The following CAMTA1 variants were observed in gnomAD, a reference collection of about 807,000 sequenced individuals.
The protein encoded by CAMTA1 is calmodulin-binding transcription activator 1.
Under a neutral mutation model 170.9 loss-of-function variants are expected in CAMTA1, and 27 were observed. The ratio of observed to expected loss-of-function variants is 0.16; its 90% CI spans 0.12 to 0.22. The LOEUF is 0.22. Ranked by LOEUF, CAMTA1 falls within the 10% of genes least tolerant of loss-of-function variation. CAMTA1 has a pLI of 1.00. For synonymous variants in CAMTA1, 833 were observed against 891.5 expected, an observed-to-expected ratio of 0.93 and a Z score of 1.17; for missense variants, 1,619 against 2,217.2, an observed-to-expected ratio of 0.73 and a Z score of 5.42.
At chr1:7,576,991 A>G (rs1001632732) in intron 6 of CAMTA1, among the ~76,000 whole-genome samples, 1 of 152,218 alleles carries the variant, frequency 6.6e-6, no homozygotes, top group Non-Finnish European at 1.5e-5. Context: ...TACTCAATAG[A>G]TGCCAGCTAA....
At chr1:7,344,175 G>A (rs2084049016) in intron 5 of CAMTA1, among the ~76,000 whole-genome samples, 1 of 152,228 alleles carries the variant, frequency 6.6e-6, no homozygotes, top group Non-Finnish European at 1.5e-5. Context: ...ATTGAGGGCT[G>A]GACCCTTGGA....
chr1:7,371,464 T>G (rs1004117236), intron 5 of CAMTA1, among the ~76,000 whole-genome samples: 2 of 151,780 alleles, frequency 1.3e-5, no homozygotes, highest in Admixed American at 1.3e-4. Context: ...TTCATCATGT[T>G]GGCCAGGCTG....
intron 6 of CAMTA1, among the ~76,000 whole-genome samples, chr1:7,485,079 C>A (rs149450422): frequency 1.8e-4 from 27 of 152,286 alleles, no homozygotes; most frequent in African/African-American, 6.5e-4. Context: ...GATCCAGCCC[C>A]TTCTGTTGCC....
rs1432544726 is a variant in CAMTA1 at position 7,456,395 on chromosome 1, G to A, written c.439-11435G>A. Among the ~76,000 whole-genome samples the A allele has an allele frequency of 1.3e-5, 2 of 152,328 alleles. No homozygotes were observed. Among genetic ancestry groups the A allele is most frequent in the African/African-American group, 2.4e-5 (1 of 41,576 alleles). On this transcript the variant is annotated intron_variant, in intron 5 of 22. Coordinates refer to ENST00000303635, the MANE Select transcript of CAMTA1 (RefSeq NM_015215.4). The surrounding 1 kb of genome is among the most constrained non-coding windows in gnomAD (Gnocchi z 4.9). ...GCAGGGCTCCAAGAAATAGGTCTCA[G>A]CGGTACATTTTGATGAAAGAGAGGG...
chr1:6,852,540 G>C (rs1660796877), intron 3 of CAMTA1, among the ~76,000 whole-genome samples: 1 of 152,198 alleles, frequency 6.6e-6, no homozygotes, highest in Non-Finnish European at 1.5e-5. Context: ...TGATTTGCTA[G>C]AATGGCTCAC....
Position 7,769,293 on chromosome 1 carries a change from C to G in CAMTA1, c.*2802C>G, listed in dbSNP as rs1298610073. On this transcript the variant is annotated 3_prime_UTR_variant, in exon 23 of 23. Transcript: ENST00000303635. The stretch of plus-strand genomic sequence containing the variant: ...TTGGATAATCTGAATTCCCAAGTGC[C>G]AGGAGTAGGATTTCATTATAAAATT... 6.5e-6 allele frequency: 1 copy of G among 152,730 alleles called. No individual in the cohort carries two copies. The highest frequency in any genetic ancestry group is 6.5e-5 in the Admixed American group (1 of 15,272). 9.5% of individuals were successfully genotyped at this position (152,730 alleles called of 1,614,324 possible). A position where few individuals can be genotyped will look rare whatever the true frequency, so the allele number is the denominator to read the frequency against.
At chr1:7,037,916 T>C (rs1468099359) in intron 3 of CAMTA1, among the ~76,000 whole-genome samples, 3 of 115,960 alleles carry the variant, frequency 2.6e-5, no homozygotes, top group Admixed American at 1.7e-4. Flanking sequence ...GTTTGATCTT[T>C]ATTTTTTTTT....
At chr1:7,684,299 A>G (rs542110137) in intron 11 of CAMTA1, among the ~76,000 whole-genome samples, 1 of 152,194 alleles carries the variant, frequency 6.6e-6, no homozygotes, top group Non-Finnish European at 1.5e-5. Flanking sequence ...TGCGGGCCAG[A>G]TGGCTCCTTC....
chr1:6,889,864 C>T (rs1674138102), intron 3 of CAMTA1, among the ~76,000 whole-genome samples: 1 of 152,116 alleles, frequency 6.6e-6, no homozygotes, highest in African/African-American at 2.4e-5. Flanking sequence ...GATCAGCTTA[C>T]TGTTTTTAGT....
chr1:7,667,514 G>A (rs917937625), intron 9 of CAMTA1, among the ~76,000 whole-genome samples: 1 of 152,114 alleles, frequency 6.6e-6, no homozygotes, highest in Non-Finnish European at 1.5e-5. Context: ...ACTTAGAGGC[G>A]CCCTGGAGCC....
intron 1 of CAMTA1, among the ~76,000 whole-genome samples, chr1:6,813,574 T>C (rs1387248316): frequency 1.3e-5 from 2 of 152,024 alleles, no homozygotes; most frequent in African/African-American, 4.8e-5. Context: ...TCTTTAAAAA[T>C]ATCTGCAACA....
intron 3 of CAMTA1, among the ~76,000 whole-genome samples, chr1:7,071,696 T>G (rs1203777869): frequency 6.6e-6 from 1 of 152,208 alleles, no homozygotes; most frequent in Non-Finnish European, 1.5e-5. Context: ...TCTCACTATC[T>G]TATCTACTCT....
chr1:7,223,883 A>G (rs1390694536), intron 4 of CAMTA1, among the ~76,000 whole-genome samples: 2 of 152,164 alleles, frequency 1.3e-5, no homozygotes, highest in African/African-American at 4.8e-5. Flanking sequence ...ATTTACATGT[A>G]TTTATTAGTT....
intron 6 of CAMTA1, among the ~76,000 whole-genome samples, chr1:7,577,306 C>G (rs186812027): frequency 6.6e-6 from 1 of 151,884 alleles, no homozygotes. Flanking sequence ...AAAGGGCCCC[C>G]CCTTGTGCTT....
chr1:7,128,831 CTTTTTTTTTTTT>C (rs34180837), intron 4 of CAMTA1, among the ~76,000 whole-genome samples: 34 of 61,382 alleles, frequency 5.5e-4, no homozygotes, highest in Non-Finnish European at 8.8e-4. Flanking sequence ...GCTCCCCCTC[CTTTTTTTTTTTT>C]TTTTTTTTTT....
At chr1:7,109,300 G>A (rs769291857) in intron 4 of CAMTA1, among the ~76,000 whole-genome samples, 4 of 152,158 alleles carry the variant, frequency 2.6e-5, no homozygotes, top group Non-Finnish European at 4.4e-5. Flanking sequence ...TGCTGCTGCC[G>A]CACTATGCAT....
chr1:6,927,992 C>T (rs1421850098), intron 3 of CAMTA1, among the ~76,000 whole-genome samples: 3 of 152,146 alleles, frequency 2.0e-5, no homozygotes, highest in Non-Finnish European at 2.9e-5. Flanking sequence ...TGCCTCCCTC[C>T]TCCCACAATC....
At chr1:7,453,024 C>T (rs1323522851) in intron 5 of CAMTA1, among the ~76,000 whole-genome samples, 6 of 152,226 alleles carry the variant, frequency 3.9e-5, no homozygotes, top group Non-Finnish European at 5.9e-5. Flanking sequence ...AAATAAGACC[C>T]CATCCCAGCC....
At chr1:7,505,137 C>T (rs1433477035) in intron 6 of CAMTA1, among the ~76,000 whole-genome samples, 1 of 152,252 alleles carries the variant, frequency 6.6e-6, no homozygotes, top group Non-Finnish European at 1.5e-5. Flanking sequence ...TGGGCACATG[C>T]ATAATATTCA....
Sources: gnomAD v4.1 joint callset for allele counts (sites outside exome capture counted in the v4.1 genomes callset) on GRCh38, gnomAD v4.1.1 for gene constraint, Gnocchi (gnomAD v3.1) non-coding constraint, MANE v1.5 for transcripts, NCBI Gene and HGNC (gene_info 2026-07-23, HGNC 2026-07-21) for gene names.